Variants in POR observed in about 807,000 individuals in gnomAD.
The protein encoded by POR is NADPH--cytochrome P450 reductase.
POR carries 56 observed loss-of-function variants against 84.0 expected under a neutral mutation model. That is an observed-to-expected ratio of 0.67 (90% CI 0.54 to 0.83). The LOEUF (loss-of-function observed/expected upper bound fraction) is 0.83, where lower values mean the gene tolerates loss of function less well. Among genes scored for constraint, POR ranks in the 40% least tolerant of loss-of-function variants. The probability of loss-of-function intolerance (pLI) is 0.00; values close to 1 mark genes in which losing one functional copy is unlikely to be tolerated. For synonymous variants in POR, 414 were observed against 400.5 expected, an observed-to-expected ratio of 1.03 and a Z score of -0.40; for missense variants, 938 against 944.3, an observed-to-expected ratio of 0.99 and a Z score of 0.09.
At chr7:75,916,816 C>T (rs1365964365) in intron 1 of POR, among the ~76,000 whole-genome samples, 1 of 151,842 alleles carries the variant, frequency 6.6e-6, no homozygotes, top group African/African-American at 2.4e-5. Flanking sequence ...AGGTGTGGAT[C>T]GTCCTGGGTA....
chr7:75,934,859 G>A (rs1035505364), intron 1 of POR, among the ~76,000 whole-genome samples: 2 of 152,224 alleles, frequency 1.3e-5, no homozygotes, highest in Admixed American at 1.3e-4. Context: ...AGTGAGGGAG[G>A]CTTGGCAGCC....
intron 4 of POR, 132 bp from the exon 5 acceptor site, chr7:75,980,207 G>C: frequency 9.0e-7 from 1 of 1,107,024 alleles, no homozygotes; most frequent in Non-Finnish European, 1.3e-6. Context: ...ACTTCTCTCT[G>C]ATCCCACGAC....
At chr7:75,946,539 T>A (rs1488244009) in intron 1 of POR, among the ~76,000 whole-genome samples, 1 of 152,132 alleles carries the variant, frequency 6.6e-6, no homozygotes, top group African/African-American at 2.4e-5. Context: ...CTGCCCGCCT[T>A]GGCCTCCCAA....
chr7:75,985,236 C>T lies in POR; in HGVS notation c.1398+29C>T, dbSNP rs782346085. ...AGGGCCGGCACTGCCCTGCCAGCCA[C>T]ACGCTGGAGGCCCAGCCCTGCTCAC... On this transcript the variant is annotated intron_variant, in intron 12 of 15. Transcript: ENST00000461988. 4.5e-6 allele frequency: 7 copies of T among 1,563,256 alleles called. No individual in the cohort carries two copies. In the Admixed American group the frequency reaches 1.2e-4, roughly 27 times the overall value.
chr7:75,970,411 C>A (rs1788378167), intron 2 of POR, among the ~76,000 whole-genome samples: 1 of 150,980 alleles, frequency 6.6e-6, no homozygotes, highest in Non-Finnish European at 1.5e-5. Context: ...GTGGTGAGAT[C>A]ATCGCCCACT....
intron 2 of POR, among the ~76,000 whole-genome samples, chr7:75,961,467 GC>G (rs1481832223): frequency 6.6e-6 from 1 of 152,094 alleles, no homozygotes; most frequent in Non-Finnish European, 1.5e-5. Flanking sequence ...AGTGCCCCCT[GC>G]ACCTGTGCTT....
intron 12 of POR, 109 bp downstream of exon 12, chr7:75,985,316 A>G: frequency 7.3e-7 from 1 of 1,369,612 alleles, no homozygotes; most frequent in South Asian, 1.5e-5. Context: ...CCTGAGCTCC[A>G]GTTCCAGCCC....
intron 7 of POR, 159 bp downstream of exon 7, chr7:75,981,765 GC>G: frequency 1.6e-6 from 1 of 635,060 alleles, no homozygotes; most frequent in Non-Finnish European, 2.7e-6. Flanking sequence ...GACTCACTCT[GC>G]CACGTTGCTC....
At chr7:75,960,394 G>C (rs1787886522) in intron 2 of POR, among the ~76,000 whole-genome samples, 1 of 152,134 alleles carries the variant, frequency 6.6e-6, no homozygotes, top group Non-Finnish European at 1.5e-5. Flanking sequence ...TCGCACTGGG[G>C]CAGCTCATGC....
rs1184225334 is a variant in POR at position 75,985,703 on chromosome 7, GC to G, written c.1525del (p.Arg509ValfsTer36). On this transcript the variant is annotated frameshift_variant, in exon 13 of 16. Coordinates refer to ENST00000461988, the MANE Select transcript of POR (RefSeq NM_000941.3). LOFTEE classifies it high-confidence loss of function. The stretch of plus-strand genomic sequence containing the variant: ...AAGGAGCCTGCCGGGGAGAACGGCG[GC>G]CGTGCGCTGGTGCCCATGTTCGTGC... 1 of 1,587,798 alleles carries G rather than the reference GC, an allele frequency of 6.3e-7. No homozygotes were observed. The highest frequency in any genetic ancestry group is 1.3e-5 in the African/African-American group (1 of 74,474).
rs1554559564 is a variant in POR, at chr7:75,986,543, C to T, written c.*62C>T. 6.4e-7 allele frequency: 1 copy of T among 1,556,300 alleles called. No individual in the cohort carries two copies. Among genetic ancestry groups the T allele is most frequent in the African/African-American group, 1.4e-5 (1 of 73,882 alleles). ...CTGTAATCAGCTCTCCTGGCTCCCTCCCGTAGTCTCCTGGGTGTGTTTGGC... is the reference window on the plus strand; with the variant it reads ...CTGTAATCAGCTCTCCTGGCTCCCTTCCGTAGTCTCCTGGGTGTGTTTGGC... On this transcript the variant is annotated 3_prime_UTR_variant, in exon 16 of 16. Transcript: ENST00000461988.
At chr7:75,961,852 A>G (rs1334059346) in intron 2 of POR, among the ~76,000 whole-genome samples, 6 of 152,170 alleles carry the variant, frequency 3.9e-5, no homozygotes, top group African/African-American at 1.4e-4. Context: ...CGTCTCTACA[A>G]AAAACACAAA....
At position 75,958,398 on chromosome 7, in the gene POR, G is replaced by A. The variant is rs189582672; in HGVS notation, c.188+4218G>A. Among the ~76,000 whole-genome samples the A allele has an allele frequency of 2.0e-4, 31 of 152,176 alleles. No homozygotes were observed. The East Asian group carries it at 4.1e-3, about 20-fold the overall frequency. On this transcript the variant is annotated intron_variant, in intron 2 of 15. Coordinates refer to ENST00000461988, the MANE Select transcript of POR (RefSeq NM_000941.3). ...CTCCCAAAGTGCTGGGATTACAGGC[G>A]TGAGCCACCATGCCTGGAGTGTGTT...
intron 1 of POR, among the ~76,000 whole-genome samples, chr7:75,929,464 G>C (rs1807306000): frequency 6.6e-6 from 1 of 152,134 alleles, no homozygotes; most frequent in Admixed American, 6.6e-5. Context: ...ATGTTGGCCA[G>C]GCTGGTCTTG....
At chr7:75,930,561 C>T (rs146238360) in intron 1 of POR, among the ~76,000 whole-genome samples, 1,712 of 152,256 alleles carry the variant, frequency 0.011, 24 homozygotes, top group East Asian at 0.054. Flanking sequence ...CTCGCTGTGT[C>T]GCCCAGGCTG....
chr7:75,939,056 G>A (rs191231223), intron 1 of POR, among the ~76,000 whole-genome samples: 4 of 152,228 alleles, frequency 2.6e-5, no homozygotes, highest in East Asian at 1.9e-4. Context: ...CCATGCAGCC[G>A]TGACTGTTGG....
In POR at chr7:75,972,507, C is replaced by T. The variant is rs1005825387; in HGVS notation, c.237+46C>T. 5.9e-5 allele frequency: 89 copies of T among 1,518,760 alleles called. 1 individual carries two copies. Among genetic ancestry groups the T allele is most frequent in the Non-Finnish European group, 7.7e-5 (85 of 1,110,586 alleles). The allele number at this position is 1,518,760 out of a possible 1,614,324, so 94.1% of individuals were successfully genotyped here. A position where few individuals can be genotyped will look rare whatever the true frequency, so the allele number is the denominator to read the frequency against. ...TACTCTTCTCAGGAAGCCTCGGCCC[C>T]GATGGGCATGTAATCAAGTCTAGCA... On this transcript the variant is annotated intron_variant, in intron 3 of 15. Coordinates refer to ENST00000461988, the MANE Select transcript of POR (RefSeq NM_000941.3).
chr7:75,929,773 C>A (rs1250639880), intron 1 of POR, among the ~76,000 whole-genome samples: 1 of 152,162 alleles, frequency 6.6e-6, no homozygotes, highest in East Asian at 1.9e-4. Context: ...CTGACCAATA[C>A]CTGTTCTGTG....
intron 1 of POR, among the ~76,000 whole-genome samples, chr7:75,929,288 G>A (rs528619869): frequency 3.3e-5 from 5 of 152,156 alleles, no homozygotes; most frequent in Admixed American, 1.3e-4. Context: ...TTTTGAGACC[G>A]AGTCTGGCTC....
Sources: gnomAD v4.1 joint callset for allele counts (sites outside exome capture counted in the v4.1 genomes callset) on GRCh38, gnomAD v4.1.1 for gene constraint, MANE v1.5 for transcripts, NCBI Gene and HGNC (gene_info 2026-07-23, HGNC 2026-07-21) for gene names.